The following AIMP1 variants were observed in gnomAD, a reference collection of about 807,000 sequenced individuals.
AIMP1 encodes aminoacyl tRNA synthetase complex interacting multifunctional protein 1.
In AIMP1, 24 loss-of-function variants were observed where a neutral mutation model predicts 33.1. The observed-to-expected ratio is 0.73, with a 90% CI of 0.53 to 1.02. AIMP1 has a LOEUF of 1.02. Among genes scored for constraint, AIMP1 ranks in the 50% least tolerant of loss-of-function variants. AIMP1 has a pLI of 0.00. For missense variants in AIMP1, 367 were observed against 364.8 expected, an observed-to-expected ratio of 1.01 and a Z score of -0.05; for synonymous variants, 120 against 121.5, an observed-to-expected ratio of 0.99 and a Z score of 0.08.
In AIMP1 at chr4:106,325,069, A is replaced by G. The variant is rs1344205338; in HGVS notation, c.60A>G (p.Gln20=). 2 of 1,613,132 alleles carry G rather than the reference A, an allele frequency of 1.2e-6. No individual in the cohort carries two copies. The highest frequency in any genetic ancestry group is 1.7e-6 in the Non-Finnish European group (2 of 1,179,456). The change falls in exon 2 of 7, where the codon CAA becomes CAG. Residue 20 remains glutamine (Q), a synonymous_variant. Coordinates refer to ENST00000672341, the MANE Select transcript of AIMP1 (RefSeq NM_001142416.2). ...RLEQKGAEAD[Q]IIEYLKQQVS... The stretch of plus-strand genomic sequence containing the variant: ...AGCAGAAGGGTGCAGAGGCAGATCA[A>G]ATCATTGAATATCTTAAGCAGCAAG...
chr4:106,344,759 C>G (rs1285450927), intron 6 of AIMP1, among the ~76,000 whole-genome samples: 2 of 151,286 alleles, frequency 1.3e-5, no homozygotes, highest in African/African-American at 4.8e-5. Flanking sequence ...TTGTTCACTC[C>G]ACTTGAGCCA....
At chr4:106,343,960 C>T (rs916874840) in intron 6 of AIMP1, among the ~76,000 whole-genome samples, 18 of 152,048 alleles carry the variant, frequency 1.2e-4, no homozygotes, top group African/African-American at 4.1e-4. Flanking sequence ...TACTTGATTC[C>T]TCCTCTTGAA....
At chr4:106,335,421 A>T (rs73839436) in intron 5 of AIMP1, among the ~76,000 whole-genome samples, 2,750 of 152,172 alleles carry the variant, frequency 0.018, 76 homozygotes, top group African/African-American at 0.061. Context: ...ACCCATCAAG[A>T]TACAACCTAA....
chr4:106,330,243 C>G (rs10433894), intron 4 of AIMP1, among the ~76,000 whole-genome samples: 25,495 of 151,990 alleles, frequency 0.17, 2,183 homozygotes, highest in South Asian at 0.25. Context: ...CTAGGAAGTA[C>G]ATTAGAGTTT....
intron 5 of AIMP1, 105 bp downstream of exon 5, chr4:106,331,988 T>A: frequency 9.1e-7 from 1 of 1,103,530 alleles, no homozygotes; most frequent in Admixed American, 1.8e-5. Context: ...ACATGTGCCC[T>A]TGTTAATTAG....
At chr4:106,329,070 ACATG>A (rs1769566362) in intron 4 of AIMP1, among the ~76,000 whole-genome samples, 1 of 150,316 alleles carries the variant, frequency 6.7e-6, no homozygotes, top group Admixed American at 6.6e-5. Context: ...GGAAAATATA[ACATG>A]CAGAGGGATT....
chr4:106,330,298 TTAAAG>T (rs1405855298), intron 4 of AIMP1, among the ~76,000 whole-genome samples: 2 of 152,226 alleles, frequency 1.3e-5, no homozygotes, highest in South Asian at 2.1e-4. Flanking sequence ...TACAGTATTT[TTAAAG>T]TAAATGCATA....
upstream of AIMP1, chr4:106,315,594 C>T (rs1768724448): frequency 6.6e-6 from 1 of 152,162 alleles, no homozygotes; most frequent in South Asian, 2.1e-4. Flanking sequence ...CTGACTAAAC[C>T]TCGAGGGCCA....
At position 106,337,637 on chromosome 4, in the gene AIMP1, C is replaced by G. The variant is rs147825063; in HGVS notation, c.772+600C>G. 5.7e-3 allele frequency among the ~76,000 whole-genome samples: 864 copies of G among 152,228 alleles called. 10 individuals carry two copies. Among genetic ancestry groups the G allele is most frequent in the African/African-American group, 0.02 (844 of 41,534 alleles). ...AATAGACTAATACAGTAAATTGATA[C>G]TGGGTAGTAGGGACACTGCTGTAAA... On this transcript the variant is annotated intron_variant, in intron 6 of 6. Coordinates refer to ENST00000672341, the MANE Select transcript of AIMP1 (RefSeq NM_001142416.2).
chr4:106,320,051 C>T (rs1769155872), intron 1 of AIMP1, among the ~76,000 whole-genome samples: 1 of 152,106 alleles, frequency 6.6e-6, no homozygotes, highest in African/African-American at 2.4e-5. Context: ...AGCATTTAGC[C>T]AGCCATAGCG....
chr4:106,339,911 C>T (rs1327889315), intron 6 of AIMP1, among the ~76,000 whole-genome samples: 1 of 152,108 alleles, frequency 6.6e-6, no homozygotes, highest in East Asian at 1.9e-4. Context: ...AAGGAAGTTT[C>T]ATTTTGTATT....
Position 106,324,984 on chromosome 4 carries a change from G to T in AIMP1, c.-25-1G>T. 6.3e-7 allele frequency: 1 copy of T among 1,594,514 alleles called. No homozygotes were observed. Among genetic ancestry groups the T allele is most frequent in the Non-Finnish European group, 8.5e-7 (1 of 1,171,408 alleles). ...ATTTATCACTTTTATTTTTCCTATA[G>T]GATTTTCTGCCGTCTCTTGGCAAAA... On this transcript the variant is annotated splice_acceptor_variant, in intron 1 of 6. Transcript: ENST00000672341. LOFTEE classifies it low-confidence loss of function (5UTR_SPLICE).
intron 6 of AIMP1, among the ~76,000 whole-genome samples, chr4:106,339,709 A>G (rs1356901334): frequency 6.6e-5 from 10 of 152,234 alleles, no homozygotes; most frequent in Non-Finnish European, 1.5e-5. Flanking sequence ...ACGTGGATAG[A>G]GAACAGATTA....
intron 1 of AIMP1, among the ~76,000 whole-genome samples, chr4:106,323,395 A>G (rs1174548452): frequency 6.6e-6 from 1 of 152,036 alleles, no homozygotes; most frequent in East Asian, 1.9e-4. Context: ...TGGCTTATTT[A>G]TGAGCATTAT....
chr4:106,340,430 C>T (rs1770054020), intron 6 of AIMP1, among the ~76,000 whole-genome samples: 1 of 152,012 alleles, frequency 6.6e-6, no homozygotes, highest in Admixed American at 6.6e-5. Context: ...GAACCCTCAC[C>T]CCACTCCCGA....
At chr4:106,322,160 G>T (rs371989025) in intron 1 of AIMP1, among the ~76,000 whole-genome samples, 1 of 152,084 alleles carries the variant, frequency 6.6e-6, no homozygotes, top group African/African-American at 2.4e-5. Context: ...AGGCGGCAGG[G>T]CCCTCTGCCT....
chr4:106,320,799 C>G (rs568462200), intron 1 of AIMP1, among the ~76,000 whole-genome samples: 152 of 152,250 alleles, frequency 1.0e-3, no homozygotes, highest in African/African-American at 3.4e-3. Context: ...GATGCCGAGC[C>G]GAGGCTGGAC....
chr4:106,335,334 T>G (rs1769834471), intron 5 of AIMP1, among the ~76,000 whole-genome samples: 1 of 152,180 alleles, frequency 6.6e-6, no homozygotes, highest in South Asian at 2.1e-4. Context: ...TCTTATAAGT[T>G]GTAGACTATT....
chr4:106,321,957 C>T (rs531456659), intron 1 of AIMP1, among the ~76,000 whole-genome samples: 21 of 131,782 alleles, frequency 1.6e-4, no homozygotes, highest in African/African-American at 5.6e-4. Flanking sequence ...GGCCCCTGCT[C>T]TCTGAAACAT....
Sources: gnomAD v4.1 joint callset for allele counts (sites outside exome capture counted in the v4.1 genomes callset) on GRCh38, gnomAD v4.1.1 for gene constraint, MANE v1.5 for transcripts, NCBI Gene and HGNC (gene_info 2026-07-23, HGNC 2026-07-21) for gene names.